Variants in TMEM120B observed in about 807,000 individuals in gnomAD.
TMEM120B encodes the protein transmembrane protein 120B.
TMEM120B carries 31 observed loss-of-function variants against 55.5 expected under a neutral mutation model. The observed-to-expected ratio is 0.56, with a 90% CI of 0.42 to 0.75. The LOEUF is 0.75. Among genes scored for constraint, TMEM120B ranks in the 30% least tolerant of loss-of-function variants. The pLI, the probability that TMEM120B is intolerant of heterozygous loss-of-function variation, is 0.00. For missense variants in TMEM120B, 399 were observed against 425.5 expected, an observed-to-expected ratio of 0.94 and a Z score of 0.55; for synonymous variants, 203 against 176.3, an observed-to-expected ratio of 1.15 and a Z score of -1.20.
At chr12:121,743,021 A>G (rs1490340697) in intron 1 of TMEM120B, among the ~76,000 whole-genome samples, 1 of 152,164 alleles carries the variant, frequency 6.6e-6, no homozygotes, top group East Asian at 1.9e-4. Context: ...GGCAAAGTCA[A>G]GAAGTTACTG....
At chr12:121,767,883 T>A (rs1007540157) in intron 6 of TMEM120B, among the ~76,000 whole-genome samples, 2 of 152,212 alleles carry the variant, frequency 1.3e-5, no homozygotes, top group Non-Finnish European at 2.9e-5. Context: ...CTGGAGTCTG[T>A]GTCTGCCTCA....
At chr12:121,774,829 CA>C in intron 10 of TMEM120B, 107 bp downstream of exon 10, 1 of 1,388,644 alleles carries the variant, frequency 7.2e-7, no homozygotes, top group Non-Finnish European at 9.9e-7. Flanking sequence ...TGCTGGGGCC[CA>C]CAGCATCCTG....
At chr12:121,725,253 C>G (rs1363038199) in intron 1 of TMEM120B, among the ~76,000 whole-genome samples, 1 of 152,114 alleles carries the variant, frequency 6.6e-6, no homozygotes, top group Non-Finnish European at 1.5e-5. Context: ...CCCCAGCACT[C>G]TAAGTTAAAT....
chr12:121,755,281 C>CA (rs1873445894), intron 5 of TMEM120B, among the ~76,000 whole-genome samples: 1 of 152,228 alleles, frequency 6.6e-6, no homozygotes, highest in Non-Finnish European at 1.5e-5. Flanking sequence ...CTCTGCCACT[C>CA]ACGGGCTTTG....
intron 1 of TMEM120B, among the ~76,000 whole-genome samples, chr12:121,719,447 A>G (rs1261995561): frequency 6.6e-6 from 1 of 152,110 alleles, no homozygotes; most frequent in African/African-American, 2.4e-5. Context: ...TTAGCTAGGC[A>G]TGGTGGCGTG....
intron 6 of TMEM120B, among the ~76,000 whole-genome samples, chr12:121,769,848 G>C (rs1231801539): frequency 6.6e-6 from 1 of 152,136 alleles, no homozygotes; most frequent in Non-Finnish European, 1.5e-5. Flanking sequence ...AGGTGACATA[G>C]GGGTGGGAGA....
At chr12:121,738,012 CAAA>C (rs59357934) in intron 1 of TMEM120B, among the ~76,000 whole-genome samples, 6 of 69,390 alleles carry the variant, frequency 8.6e-5, no homozygotes, top group Non-Finnish European at 1.2e-4. Context: ...CCTGTCTCCA[CAAA>C]AAAAAAAAAA....
At chr12:121,756,471 G>C (rs1244264675) in intron 5 of TMEM120B, among the ~76,000 whole-genome samples, 1 of 152,188 alleles carries the variant, frequency 6.6e-6, no homozygotes, top group Non-Finnish European at 1.5e-5. Flanking sequence ...ACCAGTCCTA[G>C]CTGGTCTCAA....
At chr12:121,725,650 C>G (rs1335231645) in intron 1 of TMEM120B, among the ~76,000 whole-genome samples, 2 of 152,114 alleles carry the variant, frequency 1.3e-5, no homozygotes, top group African/African-American at 2.4e-5. Flanking sequence ...CAAAACAGAT[C>G]CATGCTACAA....
At chr12:121,773,641 C>A in intron 9 of TMEM120B, 128 bp downstream of exon 9, 1 of 666,238 alleles carries the variant, frequency 1.5e-6, no homozygotes, top group Admixed American at 3.8e-5. Context: ...TCCGAAGCGC[C>A]TTCCAGAATT....
chr12:121,764,159 C>CAAA (rs202126889), intron 6 of TMEM120B, among the ~76,000 whole-genome samples: 62 of 140,940 alleles, frequency 4.4e-4, no homozygotes, highest in African/African-American at 1.5e-3. Context: ...TTCATCTTTA[C>CAAA]CAAAAAAAAA....
At chr12:121,729,436 T>C (rs942314814) in intron 1 of TMEM120B, among the ~76,000 whole-genome samples, 17 of 152,190 alleles carry the variant, frequency 1.1e-4, no homozygotes, top group Admixed American at 5.2e-4. Flanking sequence ...GAAAACAGTA[T>C]GGCAGTTCCT....
chr12:121,759,843 A>G (rs1286503201), intron 5 of TMEM120B, among the ~76,000 whole-genome samples: 1 of 151,926 alleles, frequency 6.6e-6, no homozygotes, highest in East Asian at 1.9e-4. Flanking sequence ...CTAAAAATAC[A>G]AAAATCAGGC....
In TMEM120B at chr12:121,778,450, C is replaced by CAA. The variant is rs35474958; in HGVS notation, c.*2748_*2749dup. On this transcript the variant is annotated 3_prime_UTR_variant, in exon 12 of 12. Transcript: ENST00000449592. The stretch of plus-strand genomic sequence containing the variant: ...TGAGTGACAGAATGAGACTCTGTCC[C>CAA]AAAAAAAAAAAAAAAAAAAAATTCC... 0.22 allele frequency: 19,668 copies of CAA among 90,444 alleles called. 2,275 individuals carry two copies. The highest frequency in any genetic ancestry group is 0.41 in the African/African-American group (10,613 of 25,784). 5.6% of individuals were successfully genotyped at this position (90,444 alleles called of 1,614,324 possible).
intron 2 of TMEM120B, among the ~76,000 whole-genome samples, chr12:121,745,874 G>A (rs1210267288): frequency 6.6e-6 from 1 of 150,438 alleles, no homozygotes; most frequent in Non-Finnish European, 1.5e-5. Context: ...TGTTGTTGTT[G>A]TTTTTGAGAT....
rs1484280100 is a variant in TMEM120B at position 121,748,202 on chromosome 12, GGGAGGCTGGGGTAGAAGGTA to G, written c.189-117_189-98del. On this transcript the variant is annotated intron_variant, in intron 2 of 11. Transcript: ENST00000449592. The stretch of plus-strand genomic sequence containing the variant: ...AAGGTGGGAGGCTGGGGTAGAAGGT[GGGAGGCTGGGGTAGAAGGTA>G]GGAGGCACTGGGGTAGAAGGTGGGA... 376 of 471,664 alleles carry G rather than the reference GGGAGGCTGGGGTAGAAGGTA, an allele frequency of 8.0e-4. 24 individuals are homozygous for G. Among genetic ancestry groups the G allele is most frequent in the South Asian group, 3.6e-3 (177 of 49,508 alleles). The allele number at this position is 471,664 out of a possible 1,614,324, so 29.2% of individuals were successfully genotyped here. A position where few individuals can be genotyped will look rare whatever the true frequency, so the allele number is the denominator to read the frequency against.
intron 5 of TMEM120B, among the ~76,000 whole-genome samples, chr12:121,760,768 C>G (rs1873651472): frequency 6.6e-6 from 1 of 152,126 alleles, no homozygotes; most frequent in Non-Finnish European, 1.5e-5. Flanking sequence ...CTGACCATTA[C>G]CTGATGGTCA....
chr12:121,741,278 C>T (rs530414539), intron 1 of TMEM120B, among the ~76,000 whole-genome samples: 98 of 152,078 alleles, frequency 6.4e-4, no homozygotes, highest in South Asian at 3.7e-3. Flanking sequence ...AGAATAGAGG[C>T]GAGTTCTTTG....
intron 6 of TMEM120B, among the ~76,000 whole-genome samples, chr12:121,763,847 C>T (rs1873761478): frequency 6.6e-6 from 1 of 152,186 alleles, no homozygotes; most frequent in Admixed American, 6.5e-5. Flanking sequence ...AGCTGCGCAG[C>T]CCCCACCGCC....
Sources: allele counts gnomAD v4.1 joint callset (sites outside exome capture counted in the v4.1 genomes callset), GRCh38; gene constraint gnomAD v4.1.1; transcripts MANE v1.5; gene names NCBI Gene and HGNC (gene_info 2026-07-23, HGNC 2026-07-21).